The following RBM20 variants were observed in gnomAD, a reference collection of about 807,000 sequenced individuals.
The protein encoded by RBM20 is RNA-binding protein 20.
Under a neutral mutation model 110.1 loss-of-function variants are expected in RBM20, and 51 were observed. The ratio of observed to expected loss-of-function variants is 0.46; its 90% CI spans 0.37 to 0.59. RBM20 has a LOEUF of 0.59. Ranked by LOEUF, RBM20 falls within the 20% of genes least tolerant of loss-of-function variation. The pLI, the probability that RBM20 is intolerant of heterozygous loss-of-function variation, is 0.00. For synonymous variants in RBM20, 589 were observed against 618.2 expected, an observed-to-expected ratio of 0.95 and a Z score of 0.70; for missense variants, 1,512 against 1,574.9, an observed-to-expected ratio of 0.96 and a Z score of 0.68.
intron 1 of RBM20, among the ~76,000 whole-genome samples, chr10:110,723,431 T>C (rs1357192293): frequency 6.6e-6 from 1 of 152,210 alleles, no homozygotes. Flanking sequence ...TTCATATAAA[T>C]GGGATAATGT....
At chr10:110,777,895 A>G (rs951870475) in intron 1 of RBM20, among the ~76,000 whole-genome samples, 2 of 152,250 alleles carry the variant, frequency 1.3e-5, no homozygotes, top group African/African-American at 4.8e-5. Flanking sequence ...AGGCTGTATG[A>G]TGGACAAACC....
At chr10:110,818,671 T>C (rs1844872877) in intron 9 of RBM20, among the ~76,000 whole-genome samples, 1 of 152,252 alleles carries the variant, frequency 6.6e-6, no homozygotes, top group African/African-American at 2.4e-5. Flanking sequence ...TCAGCCCGGC[T>C]AGCAAGACTG....
chr10:110,734,618 CTTT>C (rs1554894037), intron 1 of RBM20, among the ~76,000 whole-genome samples: 4 of 136,528 alleles, frequency 2.9e-5, no homozygotes, highest in African/African-American at 5.4e-5. Context: ...AAAATTCCCT[CTTT>C]TTTTTTTTTT....
intron 1 of RBM20, among the ~76,000 whole-genome samples, chr10:110,725,749 G>A (rs983878141): frequency 5.3e-5 from 8 of 152,202 alleles, no homozygotes; most frequent in Admixed American, 4.6e-4. Flanking sequence ...AAGCTATTGC[G>A]GGGAGGCAGC....
At chr10:110,785,006 A>G in intron 5 of RBM20, 117 bp downstream of exon 5, 1 of 663,598 alleles carries the variant, frequency 1.5e-6, no homozygotes, top group Non-Finnish European at 2.6e-6. Context: ...ATCTCACTGC[A>G]GCCTTGAACT....
intron 1 of RBM20, among the ~76,000 whole-genome samples, chr10:110,779,790 T>C (rs1844313315): frequency 6.6e-6 from 1 of 152,092 alleles, no homozygotes; most frequent in Admixed American, 6.5e-5. Flanking sequence ...GTTGTGAGAG[T>C]ATAGGAGACG....
chr10:110,733,276 A>G (rs892886588), intron 1 of RBM20, among the ~76,000 whole-genome samples: 4 of 152,006 alleles, frequency 2.6e-5, no homozygotes, highest in Non-Finnish European at 4.4e-5. Flanking sequence ...CCCGTCCCCA[A>G]CCCTGATATT....
chr10:110,778,708 A>G (rs184363377), intron 1 of RBM20, among the ~76,000 whole-genome samples: 212 of 152,318 alleles, frequency 1.4e-3, no homozygotes, highest in African/African-American at 4.6e-3. Flanking sequence ...ATATTTCCTG[A>G]TGACACCCAC....
intron 1 of RBM20, among the ~76,000 whole-genome samples, chr10:110,676,748 G>A (rs747957494): frequency 1.3e-5 from 2 of 152,014 alleles, no homozygotes; most frequent in Non-Finnish European, 2.9e-5. Context: ...TCCCTGTATC[G>A]TTGATATAAT....
At chr10:110,822,887 A>T (rs181338591) in intron 11 of RBM20, among the ~76,000 whole-genome samples, 38 of 152,222 alleles carry the variant, frequency 2.5e-4, no homozygotes, top group Admixed American at 1.7e-3. Flanking sequence ...GTTGCTAGAG[A>T]AACCGTGAGG....
At chr10:110,767,461 TGCCGGGCGGAGGG>T (rs1223135262) in intron 1 of RBM20, among the ~76,000 whole-genome samples, 27 of 116,884 alleles carry the variant, frequency 2.3e-4, no homozygotes, top group South Asian at 1.2e-3. Context: ...ACGGGGTGGC[TGCCGGGCGGAGGG>T]GCTCCTCACT....
In RBM20 at chr10:110,822,490, T is replaced by C. The variant is rs1361284136; in HGVS notation, c.3316+555T>C. On this transcript the variant is annotated intron_variant, in intron 11 of 13. Transcript: ENST00000369519. Reference sequence around the variant, plus strand: ...TCTCACTCCATTGGAGGTGACGTTTTGTGCCTATGCCCGGCACTGTGACAT... The same window carrying C: ...TCTCACTCCATTGGAGGTGACGTTTCGTGCCTATGCCCGGCACTGTGACAT... The C allele has an allele frequency of 6.6e-6, 3 of 456,852 alleles. No homozygotes were observed. In the Admixed American group the frequency reaches 7.0e-5, roughly 11 times the overall value. The allele number at this position is 456,852 out of a possible 1,614,324, so 28.3% of individuals were successfully genotyped here. A position where few individuals can be genotyped will look rare whatever the true frequency, so the allele number is the denominator to read the frequency against.
intron 1 of RBM20, among the ~76,000 whole-genome samples, chr10:110,683,111 G>C (rs1862446284): frequency 6.6e-6 from 1 of 152,124 alleles, no homozygotes; most frequent in Non-Finnish European, 1.5e-5. Context: ...AATTAGATGA[G>C]AGCAAAAAAT....
intron 1 of RBM20, among the ~76,000 whole-genome samples, chr10:110,764,099 A>G (rs1564838613): frequency 6.6e-6 from 1 of 152,186 alleles, no homozygotes; most frequent in Non-Finnish European, 1.5e-5. Flanking sequence ...ATGATGGGTC[A>G]TCTCCGTTCA....
chr10:110,667,759 A>G (rs951132569), intron 1 of RBM20, among the ~76,000 whole-genome samples: 10 of 152,124 alleles, frequency 6.6e-5, no homozygotes, highest in African/African-American at 1.9e-4. Context: ...ATCACCTGGG[A>G]AGTGTCTGGG....
chr10:110,711,610 G>A (rs1862930038), intron 1 of RBM20, among the ~76,000 whole-genome samples: 1 of 152,198 alleles, frequency 6.6e-6, no homozygotes, highest in Admixed American at 6.5e-5. Flanking sequence ...TCAGAGAAGG[G>A]GTTGACATTG....
rs552023024 is a variant in RBM20 at position 110,801,172 on chromosome 10, T to C, written c.1800+1254T>C. 2.0e-5 allele frequency among the ~76,000 whole-genome samples: 3 copies of C among 152,292 alleles called. No homozygotes were observed. In the East Asian group the frequency reaches 5.8e-4, roughly 29 times the overall value. ...GGCCGGGCGTGGTGGCTCACCCCTGTAATCCCAGCACTTTGGGAGACCAAG... is the reference window on the plus strand; with the variant it reads ...GGCCGGGCGTGGTGGCTCACCCCTGCAATCCCAGCACTTTGGGAGACCAAG... On this transcript the variant is annotated intron_variant, in intron 7 of 13. Coordinates refer to ENST00000369519, the MANE Select transcript of RBM20 (RefSeq NM_001134363.3).
At chr10:110,753,638 G>A (rs1843887239) in intron 1 of RBM20, among the ~76,000 whole-genome samples, 1 of 152,186 alleles carries the variant, frequency 6.6e-6, no homozygotes. Context: ...TTCACTGGTT[G>A]CTGTAACAAA....
intron 5 of RBM20, among the ~76,000 whole-genome samples, chr10:110,790,329 T>C (rs554653391): frequency 5.9e-5 from 9 of 152,350 alleles, no homozygotes; most frequent in African/African-American, 1.9e-4. Flanking sequence ...TCCAGCTCTG[T>C]CATTGCTCCT....
Sources: allele counts gnomAD v4.1 joint callset (sites outside exome capture counted in the v4.1 genomes callset), GRCh38; gene constraint gnomAD v4.1.1; transcripts MANE v1.5; gene names NCBI Gene and HGNC (gene_info 2026-07-23, HGNC 2026-07-21).